Variants in NEDD4L observed in about 807,000 individuals in gnomAD.
The protein encoded by NEDD4L is NEDD4 like E3 ubiquitin protein ligase.
Under a neutral mutation model 148.9 loss-of-function variants are expected in NEDD4L, and 54 were observed. The ratio of observed to expected loss-of-function variants is 0.36; its 90% confidence interval spans 0.29 to 0.45. NEDD4L has a LOEUF of 0.45. Ranked by LOEUF, NEDD4L falls within the 20% of genes least tolerant of loss-of-function variation. NEDD4L has a pLI of 1.00. For synonymous variants in NEDD4L, 433 were observed against 440.7 expected (o/e 0.98, Z 0.22); for missense variants, 856 against 1,233.8 (o/e 0.69, Z 4.59).
intron 1 of NEDD4L, among the ~76,000 whole-genome samples, chr18:58,063,943 A>G (rs1435995113): frequency 8.1e-5 from 10 of 124,124 alleles, no homozygotes; most frequent in African/African-American, 1.5e-4. Context: ...TTTTACTATA[A>G]TGTTTCTTTT....
intron 5 of NEDD4L, among the ~76,000 whole-genome samples, chr18:58,308,703 G>A (rs928317221): frequency 2.8e-4 from 42 of 152,346 alleles, no homozygotes; most frequent in Non-Finnish European, 5.6e-4. Flanking sequence ...CACTCAGCAC[G>A]AGTCTCAGGC....
chr18:58,218,403 T>C (rs982769235), intron 2 of NEDD4L, among the ~76,000 whole-genome samples: 4 of 152,234 alleles, frequency 2.6e-5, no homozygotes, highest in African/African-American at 9.6e-5. Context: ...CATGACTTTT[T>C]AACTTCATTT....
chr18:58,243,424 TTC>T (rs775256330), intron 2 of NEDD4L, among the ~76,000 whole-genome samples: 28 of 152,224 alleles, frequency 1.8e-4, no homozygotes, highest in Non-Finnish European at 3.1e-4. Flanking sequence ...AGAACAGTAG[TTC>T]TCTGAGTGTG....
chr18:58,056,828 G>A (rs12966466), intron 1 of NEDD4L, among the ~76,000 whole-genome samples: 1 of 151,388 alleles, frequency 6.6e-6, no homozygotes, highest in African/African-American at 2.4e-5. Flanking sequence ...TGATCCACCT[G>A]CCTCGGCCTA....
At chr18:58,057,102 C>T (rs1304294295) in intron 1 of NEDD4L, among the ~76,000 whole-genome samples, 4 of 151,936 alleles carry the variant, frequency 2.6e-5, no homozygotes, top group South Asian at 2.1e-4. Flanking sequence ...GGCACGGTGA[C>T]CCTGCATTCC....
rs541764678 is a variant in NEDD4L, at chr18:58,205,866, A to G, written c.123-39561A>G. On this transcript the variant is annotated intron_variant, in intron 2 of 30. Transcript: ENST00000400345. ...ACGCTAGACTGTCTGGGTTGTCTGT[A>G]TATGTTCTGATGTTTGTTTTCCTCT... Among the ~76,000 whole-genome samples the G allele has an allele frequency of 4.6e-5, 7 of 151,730 alleles. No individual in the cohort carries two copies. The East Asian group carries it at 1.2e-3, about 25-fold the overall frequency.
At chr18:58,383,117 A>G (rs2146694107) in intron 24 of NEDD4L, 129 bp from the exon 25 acceptor site, 1 of 630,410 alleles carries the variant, frequency 1.6e-6, no homozygotes, top group East Asian at 2.8e-5. Context: ...TCTTGTGCAC[A>G]GAGCCCATTT....
intron 5 of NEDD4L, among the ~76,000 whole-genome samples, chr18:58,283,862 G>T (rs79212561): frequency 0.18 from 27,619 of 152,174 alleles, 2,647 homozygotes; most frequent in East Asian, 0.28. Flanking sequence ...TTAAGATGAG[G>T]CCATGAATGT....
At chr18:58,048,231 C>T (rs2081680507) in intron 1 of NEDD4L, among the ~76,000 whole-genome samples, 1 of 152,100 alleles carries the variant, frequency 6.6e-6, no homozygotes, top group Non-Finnish European at 1.5e-5. Context: ...TGCCAGTCAC[C>T]ACGGCTCCCT....
At chr18:58,384,521 A>G (rs573294284) in intron 25 of NEDD4L, among the ~76,000 whole-genome samples, 1 of 152,358 alleles carries the variant, frequency 6.6e-6, no homozygotes, top group Non-Finnish European at 1.5e-5. Flanking sequence ...AGGGTGACCC[A>G]GGTCTCAAGT....
At chr18:58,378,600 G>A (rs557661059) in intron 24 of NEDD4L, among the ~76,000 whole-genome samples, 52 of 152,306 alleles carry the variant, frequency 3.4e-4, no homozygotes, top group Admixed American at 1.7e-3. Context: ...CGGTAGTTGC[G>A]CTGCTGGAGA....
chr18:58,268,116 C>A (rs1056992277), intron 5 of NEDD4L, among the ~76,000 whole-genome samples: 3 of 152,032 alleles, frequency 2.0e-5, no homozygotes, highest in Non-Finnish European at 4.4e-5. Flanking sequence ...CCCCAACCCC[C>A]CAATGGGGTT....
At chr18:58,273,404 T>C (rs1053444136) in intron 5 of NEDD4L, among the ~76,000 whole-genome samples, 3 of 152,206 alleles carry the variant, frequency 2.0e-5, no homozygotes, top group African/African-American at 4.8e-5. Context: ...AGAGGATCTC[T>C]CTCTCTCTCG....
chr18:58,207,107 C>A (rs552063310), intron 2 of NEDD4L, among the ~76,000 whole-genome samples: 34 of 152,126 alleles, frequency 2.2e-4, no homozygotes, highest in Admixed American at 6.5e-4. Context: ...AATATTTTCA[C>A]CAGGAAGTGA....
chr18:58,157,026 G>GA (rs71173036), intron 1 of NEDD4L, among the ~76,000 whole-genome samples: 156 of 143,390 alleles, frequency 1.1e-3, no homozygotes, highest in Middle Eastern at 3.6e-3. Context: ...AAAAATACAG[G>GA]AAAAAAAAAA....
chr18:58,134,769 A>ATTTT (rs71173032), intron 1 of NEDD4L, among the ~76,000 whole-genome samples: 7 of 131,416 alleles, frequency 5.3e-5, no homozygotes, highest in African/African-American at 2.0e-4. Context: ...AGCAATTTTC[A>ATTTT]TTTTTTTTTT....
chr18:58,115,994 T>G (rs970020743), intron 1 of NEDD4L, among the ~76,000 whole-genome samples: 2 of 152,192 alleles, frequency 1.3e-5, no homozygotes, highest in Non-Finnish European at 2.9e-5. Context: ...GGCCTGATGA[T>G]TTTTGGATAG....
Position 58,366,330 on chromosome 18 carries a change from A to G in NEDD4L, c.2063+102A>G. 1.2e-6 allele frequency: 1 copy of G among 807,976 alleles called. No homozygotes were observed. Among genetic ancestry groups the G allele is most frequent in the Non-Finnish European group, 1.9e-6 (1 of 527,286 alleles). The allele number at this position is 807,976 out of a possible 1,614,324, so 50.1% of individuals were successfully genotyped here. On this transcript the variant is annotated intron_variant, in intron 21 of 30. Coordinates refer to ENST00000400345, the MANE Select transcript of NEDD4L (RefSeq NM_001144967.3). This position sits in a 1 kb window ranked among gnomAD's most constrained non-coding sequence, Gnocchi z 4.2. ...CAGCTCATGAGTTCGAGATGCATTAACTCTGCTGAGTTTGTTCTCTCCTCA... is the reference window on the plus strand; with the variant it reads ...CAGCTCATGAGTTCGAGATGCATTAGCTCTGCTGAGTTTGTTCTCTCCTCA...
intron 18 of NEDD4L, among the ~76,000 whole-genome samples, chr18:58,356,398 C>G (rs1205545484): frequency 4.0e-5 from 6 of 151,354 alleles, no homozygotes; most frequent in African/African-American, 1.5e-4. Flanking sequence ...CCATTGCACT[C>G]TCTCTCCCTC....
Sources: allele counts gnomAD v4.1 joint callset (sites outside exome capture counted in the v4.1 genomes callset), GRCh38; gene constraint gnomAD v4.1.1; non-coding constraint Gnocchi (gnomAD v3.1); transcripts MANE v1.5; gene names NCBI Gene and HGNC (gene_info 2026-07-23, HGNC 2026-07-21).